Variants in IQCK observed in about 807,000 individuals in gnomAD.
IQCK encodes the protein IQ motif containing K.
IQCK carries 29 observed loss-of-function variants against 28.1 expected under a neutral mutation model. That is an observed-to-expected ratio of 1.03 (90% CI 0.77 to 1.41). The LOEUF (loss-of-function observed/expected upper bound fraction) is 1.41, where lower values mean the gene tolerates loss of function less well. IQCK is among the 40% of genes most tolerant of loss of function. The pLI is 0.00. For synonymous variants in IQCK, 113 were observed against 115.1 expected, an observed-to-expected ratio of 0.98 and a Z score of 0.12; for missense variants, 359 against 314.7, an observed-to-expected ratio of 1.14 and a Z score of -1.07.
intron 3 of IQCK, 99 bp from the exon 4 acceptor site, chr16:19,735,254 A>T: frequency 1.3e-6 from 1 of 795,040 alleles, no homozygotes; most frequent in South Asian, 1.5e-5. Flanking sequence ...ATGTGATTGA[A>T]TGGACAGTAC....
At chr16:19,747,905 G>A (rs757326659) in intron 4 of IQCK, among the ~76,000 whole-genome samples, 2 of 152,072 alleles carry the variant, frequency 1.3e-5, no homozygotes, top group Non-Finnish European at 2.9e-5. Context: ...GGTGGAGAAT[G>A]GTGGCCCTTT....
intron 6 of IQCK, among the ~76,000 whole-genome samples, chr16:19,783,899 CTGTT>C (rs1022891058): frequency 1.6e-4 from 25 of 152,200 alleles, no homozygotes; most frequent in African/African-American, 5.3e-4. Flanking sequence ...TGAAAGCCCT[CTGTT>C]TGGGCTCACC....
At chr16:19,718,727 A>T (rs1454095364) in intron 1 of IQCK, among the ~76,000 whole-genome samples, 2 of 151,412 alleles carry the variant, frequency 1.3e-5, no homozygotes, top group Non-Finnish European at 2.9e-5. Context: ...GGGAACGGCG[A>T]GGGAAAGCTG....
At chr16:19,856,464 CTT>C in intron 9 of IQCK, 21 bp from the exon 9 acceptor site, 1 of 1,607,322 alleles carries the variant, frequency 6.2e-7, no homozygotes, top group Non-Finnish European at 8.5e-7. Flanking sequence ...TTGATCCTGA[CTT>C]TCCCTTTCTT....
At chr16:19,840,964 T>A (rs1222545532) in intron 9 of IQCK, among the ~76,000 whole-genome samples, 1 of 152,192 alleles carries the variant, frequency 6.6e-6, no homozygotes, top group Non-Finnish European at 1.5e-5. Flanking sequence ...GCCCACCAAA[T>A]TGTCCCTGCT....
chr16:19,778,488 C>T lies in IQCK; in HGVS notation c.606-10350C>T, dbSNP rs570769497. On this transcript the variant is annotated intron_variant, in intron 6 of 7. Transcript: ENST00000564186. ...TTGGGCAACATAGTGAGACCCCTAT[C>T]TCTACAAAACATTTTTAAATTAGCT... Among the ~76,000 whole-genome samples, 202 of 152,040 alleles carry T rather than the reference C, an allele frequency of 1.3e-3. 2 individuals are homozygous for T. The highest frequency in any genetic ancestry group is 4.8e-3 in the African/African-American group (198 of 41,464).
intron 6 of IQCK, chr16:19,766,078 C>A (rs2055232475): frequency 6.6e-6 from 1 of 152,208 alleles, no homozygotes; most frequent in Non-Finnish European, 1.5e-5. Flanking sequence ...CACAAGAGCT[C>A]TTGCTTTAAC....
intron 9 of IQCK, among the ~76,000 whole-genome samples, chr16:19,845,771 G>A (rs1056584003): frequency 2.0e-5 from 3 of 152,154 alleles, no homozygotes; most frequent in Non-Finnish European, 4.4e-5. Flanking sequence ...TGCATTACTT[G>A]TGTGATAACA....
rs569937093 is a variant in IQCK at position 19,742,454 on chromosome 16, C to T, written c.474+7004C>T. ...ACATTTGTCAGACCCAAGTGGAACT[C>T]CCCTTATCCTGATCTGCACAACAGA... On this transcript the variant is annotated intron_variant, in intron 4 of 7. Transcript: ENST00000564186. Among the ~76,000 whole-genome samples, 5 of 151,972 alleles carry T rather than the reference C, an allele frequency of 3.3e-5. No homozygotes were observed. The South Asian group carries it at 1.0e-3, about 32-fold the overall frequency.
intron 9 of IQCK, among the ~76,000 whole-genome samples, chr16:19,847,891 C>T (rs746604718): frequency 2.0e-5 from 3 of 152,186 alleles, no homozygotes; most frequent in Non-Finnish European, 4.4e-5. Flanking sequence ...CAGCCTTGAA[C>T]TCCTGGGCTT....
At chr16:19,764,294 A>G (rs2055196079) in intron 6 of IQCK, 182 bp downstream of exon 6, 5 of 491,958 alleles carry the variant, frequency 1.0e-5, no homozygotes, top group Non-Finnish European at 1.8e-5. Flanking sequence ...TCAGGCCAGT[A>G]ATTTCATTCA....
At chr16:19,740,050 G>T (rs1030955902) in intron 4 of IQCK, among the ~76,000 whole-genome samples, 4 of 152,210 alleles carry the variant, frequency 2.6e-5, no homozygotes, top group African/African-American at 7.2e-5. Context: ...TGATCCTGAA[G>T]CCTGGGTTTC....
intron 7 of IQCK, among the ~76,000 whole-genome samples, chr16:19,804,090 C>T (rs1286830818): frequency 2.0e-5 from 3 of 152,132 alleles, no homozygotes; most frequent in Non-Finnish European, 4.4e-5. Flanking sequence ...GCGGCTCACG[C>T]CTGTAATCCC....
At chr16:19,818,580 A>T (rs2056021599) in intron 7 of IQCK, among the ~76,000 whole-genome samples, 1 of 152,098 alleles carries the variant, frequency 6.6e-6, no homozygotes, top group Admixed American at 6.6e-5. Flanking sequence ...ATTAGTAGGG[A>T]TGACGTTTCA....
At chr16:19,782,258 C>T (rs1363401837) in intron 6 of IQCK, among the ~76,000 whole-genome samples, 1 of 151,420 alleles carries the variant, frequency 6.6e-6, no homozygotes, top group Non-Finnish European at 1.5e-5. Flanking sequence ...TGGTGGCAGG[C>T]GCCTGTAATC....
At position 19,822,999 on chromosome 16, in the gene IQCK, G is replaced by A. The variant is rs1350900667; in HGVS notation, c.691-4027G>A. Among the ~76,000 whole-genome samples the A allele has an allele frequency of 2.6e-5, 4 of 152,148 alleles. No individual in the cohort carries two copies. The East Asian group carries it at 7.7e-4, about 29-fold the overall frequency. On this transcript the variant is annotated intron_variant, in intron 7 of 7. Transcript: ENST00000564186. ...GCCCCTCTATCAATAGGGGATAGAC[G>A]AGAGGGAATGGTAGTTCTGGGGCTA...
At chr16:19,764,397 C>T (rs2055197345) in intron 6 of IQCK, 2 of 255,362 alleles carry the variant, frequency 7.8e-6, no homozygotes. Flanking sequence ...TTTCCTGTCT[C>T]TCTGAATGTC....
chr16:19,731,641 A>G (rs1374141088), intron 2 of IQCK, among the ~76,000 whole-genome samples: 2 of 152,106 alleles, frequency 1.3e-5, no homozygotes, highest in Non-Finnish European at 2.9e-5. Flanking sequence ...AAGAGATTTG[A>G]TTGTTTATTA....
chr16:19,735,235 T>C (rs1423380932), intron 3 of IQCK, 118 bp from the exon 4 acceptor site: 1 of 710,842 alleles, frequency 1.4e-6, no homozygotes, highest in East Asian at 2.7e-5. Flanking sequence ...AAATATAACA[T>C]CTAAGATCAT....
Sources: allele counts gnomAD v4.1 joint callset (sites outside exome capture counted in the v4.1 genomes callset), GRCh38; gene constraint gnomAD v4.1.1; transcripts MANE v1.5; gene names NCBI Gene and HGNC (gene_info 2026-07-23, HGNC 2026-07-21).